The following SGCD variants were observed in gnomAD, a reference collection of about 807,000 sequenced individuals.
The protein encoded by SGCD is sarcoglycan delta.
Under a neutral mutation model 36.6 loss-of-function variants are expected in SGCD, and 18 were observed. The ratio of observed to expected loss-of-function variants is 0.49; its 90% CI spans 0.34 to 0.73. The LOEUF is 0.73. Ranked by LOEUF, SGCD falls within the 30% of genes least tolerant of loss-of-function variation. The pLI, the probability that SGCD is intolerant of heterozygous loss-of-function variation, is 0.01. For synonymous variants in SGCD, 133 were observed against 130.6 expected, an observed-to-expected ratio of 1.02 and a Z score of -0.12; for missense variants, 387 against 346.7, an observed-to-expected ratio of 1.12 and a Z score of -0.92.
intron 6 of SGCD, among the ~76,000 whole-genome samples, chr5:156,609,183 C>A (rs967240500): frequency 7.9e-5 from 12 of 151,922 alleles, no homozygotes; most frequent in South Asian, 4.2e-4. Flanking sequence ...TGGCTGGTAC[C>A]GGTTGTTCCT....
the SGCD span, among the ~76,000 whole-genome samples, chr5:155,828,408 A>T: frequency 6.6e-6 from 1 of 152,206 alleles, no homozygotes; most frequent in South Asian, 2.1e-4. Context: ...TCAAGATTCA[A>T]TGAGGAAATG....
At chr5:156,214,679 A>G (rs1250379053) in intron 3 of SGCD, among the ~76,000 whole-genome samples, 1 of 152,116 alleles carries the variant, frequency 6.6e-6, no homozygotes, top group Non-Finnish European at 1.5e-5. Flanking sequence ...GAAGCATCAC[A>G]TTACATGATT....
chr5:156,280,608 G>A (rs1270212358), intron 3 of SGCD, among the ~76,000 whole-genome samples: 1 of 152,178 alleles, frequency 6.6e-6, no homozygotes, highest in African/African-American at 2.4e-5. Flanking sequence ...AGAAGAAACA[G>A]TTTTAATGCT....
chr5:156,454,966 C>A lies in SGCD; in HGVS notation c.193-53635C>A, dbSNP rs868817788. The stretch of plus-strand genomic sequence containing the variant: ...CATCAGGAAAAGACGACAAGAAGAA[C>A]CTCCCTTCTGCAATGTGCCTTCAGG... On this transcript the variant is annotated intron_variant, in intron 3 of 8. Transcript: ENST00000337851. Among the ~76,000 whole-genome samples, 11 of 152,174 alleles carry A rather than the reference C, an allele frequency of 7.2e-5. No homozygotes were observed. The South Asian group carries it at 1.7e-3, about 23-fold the overall frequency.
chr5:156,680,578 A>T (rs1581388823), intron 7 of SGCD, among the ~76,000 whole-genome samples: 1 of 152,326 alleles, frequency 6.6e-6, no homozygotes, highest in Admixed American at 6.5e-5. Context: ...TCAACTAATA[A>T]GCACATCTTA....
intron 2 of SGCD, among the ~76,000 whole-genome samples, chr5:156,120,904 G>A (rs189281511): frequency 6.6e-6 from 1 of 152,100 alleles, no homozygotes; most frequent in Admixed American, 6.6e-5. Context: ...CAGAATGCAG[G>A]AATAATTGTA....
In SGCD at chr5:156,297,030, A is replaced by AAT. The variant is rs368559018; in HGVS notation, c.-43-32489_-43-32488dup. ...TAATTTTATGTGTGTATAGCATATAAATATATATATATATATGGGATATAT... is the reference window on the plus strand; with the variant it reads ...TAATTTTATGTGTGTATAGCATATAAATATATATATATATATATGGGATATAT... On this transcript the variant is annotated intron_variant, in intron 3 of 9. Transcript: ENST00000517913. Among the ~76,000 whole-genome samples the AAT allele has an allele frequency of 2.7e-3, 379 of 140,234 alleles. 1 individual carries two copies. The highest frequency in any genetic ancestry group is 6.5e-3 in the African/African-American group (219 of 33,804). The allele number at this position is 140,234 out of a possible 152,430, so 92.0% of individuals were successfully genotyped here.
intron 1 of SGCD, among the ~76,000 whole-genome samples, chr5:156,069,652 A>T (rs1041002639): frequency 4.6e-5 from 7 of 151,760 alleles, no homozygotes; most frequent in African/African-American, 7.3e-5. Context: ...TTTTTCCAGT[A>T]CTGTGAAGAA....
At chr5:155,936,804 C>T (rs146078027) in intron 1 of SGCD, among the ~76,000 whole-genome samples, 3 of 152,210 alleles carry the variant, frequency 2.0e-5, no homozygotes, top group Non-Finnish European at 4.4e-5. Flanking sequence ...CTGTTCATGC[C>T]CAGGGGCACC....
chr5:156,043,002 A>G (rs771581292), intron 1 of SGCD, among the ~76,000 whole-genome samples: 3 of 152,206 alleles, frequency 2.0e-5, no homozygotes, highest in Non-Finnish European at 4.4e-5. Context: ...CATTTAAACT[A>G]TGTCTCTCAA....
At position 156,061,919 on chromosome 5, in the gene SGCD, CTTTTTTTT is replaced by C. The variant is rs757769130; in HGVS notation, c.-281-55941_-281-55934del. On this transcript the variant is annotated intron_variant, in intron 1 of 9. Coordinates refer to the SGCD transcript ENST00000517913. ...TTGGTGATAATTCCAGGAGTTTTCA[CTTTTTTTT>C]TTTTTTTTTTTTTTTTTATTATACT... is the stretch of plus-strand genomic sequence containing the variant. Among the ~76,000 whole-genome samples, 168 of 71,766 alleles carry C rather than the reference CTTTTTTTT, an allele frequency of 2.3e-3. 13 individuals are homozygous for C. Among genetic ancestry groups the C allele is most frequent in the Non-Finnish European group, 3.6e-3 (135 of 37,808 alleles). The allele number at this position is 71,766 out of a possible 152,430, so 47.1% of individuals were successfully genotyped here.
At chr5:155,882,422 A>C (rs1369542636) in intron 1 of SGCD, among the ~76,000 whole-genome samples, 1 of 152,182 alleles carries the variant, frequency 6.6e-6, no homozygotes, top group Non-Finnish European at 1.5e-5. Context: ...TTATTTCCAG[A>C]AGGTTTTTAA....
At chr5:155,845,697 T>G in the SGCD span, among the ~76,000 whole-genome samples, 1 of 152,120 alleles carries the variant, frequency 6.6e-6, no homozygotes, top group Non-Finnish European at 1.5e-5. Flanking sequence ...GGTGAAAAGG[T>G]GGGAGACTTT....
At chr5:156,262,108 A>G (rs1295753455) in intron 3 of SGCD, among the ~76,000 whole-genome samples, 1 of 152,166 alleles carries the variant, frequency 6.6e-6, no homozygotes, top group Admixed American at 6.6e-5. Flanking sequence ...AGTGTCCAGT[A>G]TTGATAAAGT....
intron 5 of SGCD, among the ~76,000 whole-genome samples, chr5:156,593,353 C>G (rs1467052822): frequency 6.6e-6 from 1 of 152,104 alleles, no homozygotes; most frequent in African/African-American, 2.4e-5. Flanking sequence ...GCGCACCAGA[C>G]AAGGCTGTTC....
At chr5:155,996,578 G>A (rs1434009083) in intron 1 of SGCD, among the ~76,000 whole-genome samples, 3 of 152,116 alleles carry the variant, frequency 2.0e-5, no homozygotes, top group Non-Finnish European at 4.4e-5. Context: ...AGGAGTTCAA[G>A]ACCAGCCCGG....
the SGCD span, among the ~76,000 whole-genome samples, chr5:155,768,860 A>G: frequency 1.3e-5 from 2 of 152,096 alleles, no homozygotes; most frequent in Non-Finnish European, 2.9e-5. Context: ...TTCAGATCTC[A>G]TGTTTCCTCC....
chr5:156,592,052 A>G (rs1396448044), intron 5 of SGCD, among the ~76,000 whole-genome samples: 1 of 152,180 alleles, frequency 6.6e-6, no homozygotes, highest in Non-Finnish European at 1.5e-5. Flanking sequence ...TGATTGCTGA[A>G]GCATACTTTC....
intron 7 of SGCD, among the ~76,000 whole-genome samples, chr5:156,649,348 A>G (rs1380134141): frequency 1.3e-5 from 2 of 152,170 alleles, no homozygotes; most frequent in African/African-American, 4.8e-5. Context: ...TGACCCAGCC[A>G]TCCCATTACT....
Sources: allele counts gnomAD v4.1 joint callset (sites outside exome capture counted in the v4.1 genomes callset), GRCh38; gene constraint gnomAD v4.1.1; transcripts MANE v1.5; gene names NCBI Gene and HGNC (gene_info 2026-07-23, HGNC 2026-07-21).